The following ZNF600 variants were observed in gnomAD, a reference collection of about 807,000 sequenced individuals.
ZNF600 encodes zinc finger protein KR-ZNF1.
A neutral mutation model predicts 7.3 loss-of-function variants in ZNF600; 4 were observed. That is an observed-to-expected ratio of 0.55 (90% CI 0.27 to 1.25). ZNF600 has a LOEUF of 1.25. ZNF600 is among the 50% of genes most tolerant of loss of function. The pLI is 0.12. For missense variants in ZNF600, 911 were observed against 922.1 expected, an observed-to-expected ratio of 0.99 and a Z score of 0.16; for synonymous variants, 290 against 308.9, an observed-to-expected ratio of 0.94 and a Z score of 0.64.
the ZNF600 span, among the ~76,000 whole-genome samples, chr19:52,794,013 T>C: frequency 1.3e-5 from 2 of 151,804 alleles, no homozygotes; most frequent in South Asian, 4.2e-4. Context: ...TGTTTGGGGG[T>C]TTAGGAAGTC....
At chr19:52,828,788 G>A in the ZNF600 span, among the ~76,000 whole-genome samples, 6 of 152,232 alleles carry the variant, frequency 3.9e-5, no homozygotes, top group Admixed American at 2.6e-4. Flanking sequence ...CTGCAGATTC[G>A]GCCTTTCAGA....
At chr19:52,788,657 C>T (rs1430615598), upstream of ZNF600, among the ~76,000 whole-genome samples, 2 of 152,146 alleles carry the variant, frequency 1.3e-5, no homozygotes, top group African/African-American at 4.8e-5. Context: ...CAGCAGGACA[C>T]AGATCTTCAG....
chr19:52,764,403 G>C (rs780081867), downstream of ZNF600: 5 of 151,984 alleles, frequency 3.3e-5, no homozygotes, highest in Admixed American at 6.6e-5. Context: ...GTAGAGATGG[G>C]GTTTCACCAT....
At chr19:52,774,452 A>G in intron 3 of ZNF600, 123 bp downstream of exon 5, 1 of 915,142 alleles carries the variant, frequency 1.1e-6, no homozygotes, top group Non-Finnish European at 1.3e-6. Flanking sequence ...AAAACAAAAA[A>G]ACAACCAAAA....
intron 1 of ZNF600, among the ~76,000 whole-genome samples, chr19:52,781,788 C>A (rs969452263): frequency 2.7e-5 from 4 of 150,234 alleles, no homozygotes; most frequent in African/African-American, 4.9e-5. Context: ...AGCGGTCAGG[C>A]AAGGTGGCTC....
the ZNF600 span, among the ~76,000 whole-genome samples, chr19:52,811,252 C>T: frequency 1.3e-5 from 2 of 151,706 alleles, no homozygotes; most frequent in East Asian, 1.9e-4. Context: ...CAACCTCCAC[C>T]TCCCAGCCGC....
At chr19:52,769,197 C>G (rs377067534) in intron 3 of ZNF600, among the ~76,000 whole-genome samples, 174 of 152,150 alleles carry the variant, frequency 1.1e-3, no homozygotes, top group Admixed American at 2.0e-3. Context: ...GTTTAGAGAA[C>G]ACTCTCCTCC....
At chr19:52,784,397 C>A (rs978110398) in intron 1 of ZNF600, among the ~76,000 whole-genome samples, 2 of 152,054 alleles carry the variant, frequency 1.3e-5, no homozygotes, top group African/African-American at 4.8e-5. Flanking sequence ...CAGAGCCAGA[C>A]CCTGTCTCAA....
chr19:52,829,382 C>A, the ZNF600 span, among the ~76,000 whole-genome samples: 4 of 126,246 alleles, frequency 3.2e-5, no homozygotes, highest in East Asian at 1.1e-3. Flanking sequence ...CTATTTTTTT[C>A]TTTATTTTTG....
the ZNF600 span, among the ~76,000 whole-genome samples, chr19:52,802,358 C>G: frequency 7.6e-4 from 109 of 143,864 alleles, no homozygotes; most frequent in African/African-American, 2.7e-3. Flanking sequence ...ACAAAATGAG[C>G]CTCCATCTCA....
chr19:52,816,834 AAATAATAATAAT>A, the ZNF600 span, among the ~76,000 whole-genome samples: 1,763 of 138,416 alleles, frequency 0.013, 25 homozygotes, highest in Non-Finnish European at 0.018. Context: ...CCGTTTCAGA[AAATAATAATAAT>A]AATAATAATA....
At chr19:52,798,371 G>T in the ZNF600 span, 4 of 357,564 alleles carry the variant, frequency 1.1e-5, no homozygotes, top group South Asian at 9.4e-5. Context: ...TCAAACTCAG[G>T]TCAGTGCTCA....
chr19:52,806,901 TAA>T, the ZNF600 span, among the ~76,000 whole-genome samples: 1 of 151,870 alleles, frequency 6.6e-6, no homozygotes, highest in Non-Finnish European at 1.5e-5. Context: ...GACTCTGTCA[TAA>T]AAAAAGAGAG....
chr19:52,817,745 G>A, the ZNF600 span, among the ~76,000 whole-genome samples: 1 of 152,062 alleles, frequency 6.6e-6, no homozygotes, highest in Admixed American at 6.6e-5. Context: ...CATGCCCAGT[G>A]CAGCCTCTCC....
chr19:52,773,621 C>T (rs1180785917), intron 3 of ZNF600, among the ~76,000 whole-genome samples: 1 of 152,070 alleles, frequency 6.6e-6, no homozygotes, highest in East Asian at 1.9e-4. Context: ...TCTGTAATCT[C>T]AGCTCATTAG....
chr19:52,822,348 A>G, the ZNF600 span, among the ~76,000 whole-genome samples: 1 of 152,130 alleles, frequency 6.6e-6, no homozygotes, highest in African/African-American at 2.4e-5. Flanking sequence ...CTGGGATTAC[A>G]GGCCTGAGCC....
chr19:52,790,997 T>TA (rs201555774), upstream of ZNF600, among the ~76,000 whole-genome samples: 2 of 149,364 alleles, frequency 1.3e-5, no homozygotes, highest in African/African-American at 4.9e-5. Flanking sequence ...GCTGTCTCTT[T>TA]AAAAAAAAAA....
chr19:52,785,030 C>T (rs2062752588), intron 1 of ZNF600, among the ~76,000 whole-genome samples: 1 of 152,238 alleles, frequency 6.6e-6, no homozygotes, highest in South Asian at 2.1e-4. Context: ...AGCCACTGCG[C>T]CCAGCCCCTC....
the ZNF600 span, chr19:52,810,296 G>A: frequency 1.3e-6 from 2 of 1,525,240 alleles, no homozygotes; most frequent in East Asian, 4.5e-5. Context: ...AGAAGATGGA[G>A]GCTGATGCCC....
Sources: allele counts gnomAD v4.1 joint callset (sites outside exome capture counted in the v4.1 genomes callset), GRCh38; gene constraint gnomAD v4.1.1; transcripts MANE v1.5; gene names NCBI Gene and HGNC (gene_info 2026-07-23, HGNC 2026-07-21).